ARHGAP28: variants seen among roughly 807,000 people sequenced by gnomAD.
The protein encoded by ARHGAP28 is rho GTPase-activating protein 28.
In ARHGAP28, 56 loss-of-function variants were observed where a neutral mutation model predicts 90.7. The ratio of observed to expected loss-of-function variants is 0.62; its 90% CI spans 0.50 to 0.77. ARHGAP28 has a LOEUF of 0.77. Among genes scored for constraint, ARHGAP28 ranks in the 30% least tolerant of loss-of-function variants. The probability of loss-of-function intolerance (pLI) is 0.00; values close to 1 mark genes in which losing one functional copy is unlikely to be tolerated. For missense variants in ARHGAP28, 869 were observed against 900.9 expected (o/e 0.96, Z 0.45); for synonymous variants, 308 against 323.3 (o/e 0.95, Z 0.51).
At chr18:6,730,607 A>G (rs1443623893) in intron 1 of ARHGAP28, among the ~76,000 whole-genome samples, 3 of 152,230 alleles carry the variant, frequency 2.0e-5, no homozygotes, top group African/African-American at 4.8e-5. Flanking sequence ...TTCAGATTTA[A>G]TCAAGGATCT....
chr18:6,819,222 T>TA (rs1411442427), intron 1 of ARHGAP28, among the ~76,000 whole-genome samples: 1 of 152,246 alleles, frequency 6.6e-6, no homozygotes, highest in Non-Finnish European at 1.5e-5. Context: ...TGCAACTTTT[T>TA]AAAAATATCT....
intron 1 of ARHGAP28, among the ~76,000 whole-genome samples, chr18:6,813,090 T>C (rs1420945864): frequency 3.3e-5 from 5 of 152,194 alleles, no homozygotes; most frequent in Admixed American, 3.3e-4. Context: ...ATTTAGAATT[T>C]ATCATATTTT....
chr18:6,764,222 T>C (rs556553010), intron 1 of ARHGAP28, among the ~76,000 whole-genome samples: 3 of 152,270 alleles, frequency 2.0e-5, no homozygotes, highest in African/African-American at 7.2e-5. Context: ...CACAGGCACT[T>C]CCTACAATCC....
At chr18:6,877,564 G>A (rs927896387) in intron 10 of ARHGAP28, among the ~76,000 whole-genome samples, 4 of 152,210 alleles carry the variant, frequency 2.6e-5, no homozygotes, top group Non-Finnish European at 4.4e-5. Flanking sequence ...GTGAAGCGAG[G>A]TCGGAGCAGG....
At chr18:6,839,549 G>A (rs552571833) in intron 3 of ARHGAP28, among the ~76,000 whole-genome samples, 7 of 152,144 alleles carry the variant, frequency 4.6e-5, no homozygotes, top group South Asian at 4.2e-4. Context: ...CGCCTGCCTC[G>A]GCCTCCCAAA....
chr18:6,887,312 G>A, intron 12 of ARHGAP28, 73 bp downstream of exon 12: 1 of 1,431,168 alleles, frequency 7.0e-7, no homozygotes, highest in South Asian at 1.2e-5. Flanking sequence ...ATAGGAAAAT[G>A]AAAGTGGAGA....
chr18:6,881,191 T>A (rs975769359), intron 10 of ARHGAP28, among the ~76,000 whole-genome samples: 10 of 152,140 alleles, frequency 6.6e-5, no homozygotes, highest in Admixed American at 1.3e-4. Flanking sequence ...CTAATCCTTA[T>A]TAGGAAAAGG....
At chr18:6,859,942 C>T in intron 5 of ARHGAP28, 45 bp downstream of exon 5, 1 of 1,515,432 alleles carries the variant, frequency 6.6e-7, no homozygotes, top group Non-Finnish European at 9.1e-7. Context: ...GGTACAGTTG[C>T]AAGTCAAAGC....
chr18:6,742,655 A>G (rs1254746473), intron 1 of ARHGAP28, among the ~76,000 whole-genome samples: 2 of 152,144 alleles, frequency 1.3e-5, no homozygotes, highest in African/African-American at 4.8e-5. Flanking sequence ...TAGGAGGGAG[A>G]TCAAGGCTGA....
At chr18:6,826,092 C>G (rs926176796) in intron 2 of ARHGAP28, among the ~76,000 whole-genome samples, 8 of 148,632 alleles carry the variant, frequency 5.4e-5, no homozygotes, top group Non-Finnish European at 1.5e-5. Flanking sequence ...CTTAAGCATT[C>G]TCTTTTGTCT....
chr18:6,837,953 G>A (rs2143863333), intron 3 of ARHGAP28, among the ~76,000 whole-genome samples: 1 of 152,272 alleles, frequency 6.6e-6, no homozygotes, highest in Middle Eastern at 3.4e-3. Flanking sequence ...ATAAACGGCT[G>A]GTTGAAGTTC....
chr18:6,814,359 C>T (rs566296143), intron 1 of ARHGAP28, among the ~76,000 whole-genome samples: 5 of 152,112 alleles, frequency 3.3e-5, no homozygotes, highest in South Asian at 4.2e-4. Flanking sequence ...GAGAGATTGC[C>T]GGATAATACC....
At chr18:6,743,788 A>G (rs1473041810) in intron 1 of ARHGAP28, among the ~76,000 whole-genome samples, 1 of 152,232 alleles carries the variant, frequency 6.6e-6, no homozygotes, top group Non-Finnish European at 1.5e-5. Flanking sequence ...TGACTCTTGA[A>G]ATAAAAAGTG....
chr18:6,807,050 T>C (rs2056523929), intron 1 of ARHGAP28, among the ~76,000 whole-genome samples: 1 of 152,160 alleles, frequency 6.6e-6, no homozygotes, highest in Non-Finnish European at 1.5e-5. Flanking sequence ...TTATTGCTAA[T>C]TCAAATAAGT....
chr18:6,814,546 A>G (rs2056577631), intron 1 of ARHGAP28, among the ~76,000 whole-genome samples: 1 of 152,206 alleles, frequency 6.6e-6, no homozygotes, highest in African/African-American at 2.4e-5. Flanking sequence ...GATTTAGAAG[A>G]AACAGGGGCT....
At chr18:6,880,122 C>T (rs1372385238) in intron 10 of ARHGAP28, among the ~76,000 whole-genome samples, 2 of 152,286 alleles carry the variant, frequency 1.3e-5, no homozygotes, top group East Asian at 1.9e-4. Context: ...TGGTACCAGG[C>T]GACTGATGGG....
intron 1 of ARHGAP28, among the ~76,000 whole-genome samples, chr18:6,782,584 A>ATTTTTTTTTTTT (rs1567945676): frequency 1.4e-5 from 1 of 71,284 alleles, no homozygotes; most frequent in African/African-American, 4.4e-5. Context: ...CGCCCAGCTA[A>ATTTTTTTTTTTT]TTTTTGTATT....
At chr18:6,862,653 T>C (rs1600258699) in intron 5 of ARHGAP28, among the ~76,000 whole-genome samples, 1 of 152,180 alleles carries the variant, frequency 6.6e-6, no homozygotes, top group Admixed American at 6.5e-5. Context: ...AATTTTTTCT[T>C]CCAGATGAAC....
At chr18:6,866,042 C>T (rs577812086) in intron 5 of ARHGAP28, among the ~76,000 whole-genome samples, 3 of 152,210 alleles carry the variant, frequency 2.0e-5, no homozygotes, top group African/African-American at 7.2e-5. Context: ...TAATATAATC[C>T]TTAATGAGGA....
Sources: gnomAD v4.1 joint callset for allele counts (sites outside exome capture counted in the v4.1 genomes callset) on GRCh38, gnomAD v4.1.1 for gene constraint, MANE v1.5 for transcripts, NCBI Gene and HGNC (gene_info 2026-07-23, HGNC 2026-07-21) for gene names.